The following NPFFR2 variants were observed in gnomAD, a reference collection of about 807,000 sequenced individuals.
NPFFR2 encodes the protein G-protein coupled receptor 74.
Under a neutral mutation model 13.1 loss-of-function variants are expected in NPFFR2, and 15 were observed. The observed-to-expected ratio is 1.15, with a 90% CI of 0.77 to 1.76. NPFFR2 has a LOEUF of 1.76. Among genes scored for constraint, NPFFR2 ranks in the 40% most tolerant of loss-of-function variants. The probability of loss-of-function intolerance (pLI) is 0.00; values close to 1 mark genes in which losing one functional copy is unlikely to be tolerated. For synonymous variants in NPFFR2, 190 were observed against 175.7 expected, an observed-to-expected ratio of 1.08 and a Z score of -0.65; for missense variants, 572 against 503.5, an observed-to-expected ratio of 1.14 and a Z score of -1.30.
intron 1 of NPFFR2, among the ~76,000 whole-genome samples, chr4:72,043,086 G>T (rs1223924496): frequency 6.6e-6 from 1 of 152,156 alleles, no homozygotes; most frequent in East Asian, 1.9e-4. Flanking sequence ...GTGGGTAAAA[G>T]GGGTCAATGT....
intron 3 of NPFFR2, among the ~76,000 whole-genome samples, chr4:72,143,805 C>T (rs1722700469): frequency 6.6e-6 from 1 of 152,100 alleles, no homozygotes; most frequent in South Asian, 2.1e-4. Flanking sequence ...GCAGAACAGA[C>T]AAGAAATGTC....
intron 1 of NPFFR2, among the ~76,000 whole-genome samples, chr4:72,108,777 A>G (rs1478168780): frequency 6.6e-6 from 1 of 152,020 alleles, no homozygotes; most frequent in Non-Finnish European, 1.5e-5. Context: ...TATTCCATTT[A>G]ATTAGTGTTT....
At chr4:72,124,516 C>A (rs1435446295) in intron 1 of NPFFR2, among the ~76,000 whole-genome samples, 1 of 152,140 alleles carries the variant, frequency 6.6e-6, no homozygotes, top group African/African-American at 2.4e-5. Context: ...GCTACTGTAA[C>A]TGTACAGTTA....
In NPFFR2 at chr4:72,079,087, C is replaced by CACACACACACACACACACAT. The variant is rs1553890218; in HGVS notation, c.-8+46888_-8+46889insCACACACACACACACACATA. On this transcript the variant is annotated intron_variant, in intron 1 of 3. Coordinates refer to ENST00000308744, the MANE Select transcript of NPFFR2 (RefSeq NM_004885.3). ...ACACACACACACACACACACACACA[C>CACACACACACACACACACAT]ATCTGTTGAAATCTGAATAAGCTCA... Among the ~76,000 whole-genome samples, 110 of 143,324 alleles carry CACACACACACACACACACAT rather than the reference C, an allele frequency of 7.7e-4. 1 individual carries two copies. Among genetic ancestry groups the CACACACACACACACACACAT allele is most frequent in the African/African-American group, 2.6e-3 (105 of 39,942 alleles). 94.0% of individuals were successfully genotyped at this position (143,324 alleles called of 152,430 possible). A position where few individuals can be genotyped will look rare whatever the true frequency, so the allele number is the denominator to read the frequency against.
intron 1 of NPFFR2, among the ~76,000 whole-genome samples, chr4:72,126,276 A>T (rs1358911360): frequency 1.3e-5 from 2 of 152,212 alleles, no homozygotes; most frequent in African/African-American, 4.8e-5. Flanking sequence ...ATAATTTCAG[A>T]CTATGTAACT....
chr4:72,089,545 G>A (rs1720860159), intron 1 of NPFFR2, among the ~76,000 whole-genome samples: 1 of 152,074 alleles, frequency 6.6e-6, no homozygotes, highest in Non-Finnish European at 1.5e-5. Flanking sequence ...GTATCATATT[G>A]TGGTTTTGAT....
chr4:72,082,047 A>G (rs7674293), intron 1 of NPFFR2, among the ~76,000 whole-genome samples: 40,771 of 152,064 alleles, frequency 0.27, 5,816 homozygotes, highest in Middle Eastern at 0.36. Context: ...TAAGTAGACC[A>G]CATAAGTTTG....
intron 1 of NPFFR2, among the ~76,000 whole-genome samples, chr4:72,053,160 A>G (rs1719640507): frequency 6.6e-6 from 1 of 151,884 alleles, no homozygotes; most frequent in South Asian, 2.1e-4. Context: ...GTCTCTTCAT[A>G]TATTTTACAG....
intron 1 of NPFFR2, among the ~76,000 whole-genome samples, chr4:72,076,756 C>T (rs10033980): frequency 0.88 from 133,248 of 152,104 alleles, 59,811 homozygotes; most frequent in Non-Finnish European, 0.98. Flanking sequence ...GTAGCCAAGT[C>T]CTGAGAGAGC....
intron 1 of NPFFR2, chr4:72,039,039 G>A (rs1318719028): frequency 7.7e-6 from 1 of 130,038 alleles, no homozygotes; most frequent in African/African-American, 2.8e-5. Flanking sequence ...CGAGTAGCTG[G>A]GACTGGCGCC....
intron 1 of NPFFR2, among the ~76,000 whole-genome samples, chr4:72,114,557 G>A (rs983438684): frequency 2.0e-5 from 3 of 152,040 alleles, no homozygotes; most frequent in African/African-American, 7.2e-5. Flanking sequence ...AGATCCTGTC[G>A]TTCTTTGTTT....
At chr4:72,074,298 C>T (rs142709275) in intron 1 of NPFFR2, among the ~76,000 whole-genome samples, 1 of 152,118 alleles carries the variant, frequency 6.6e-6, no homozygotes, top group East Asian at 1.9e-4. Flanking sequence ...ACGATGCCTA[C>T]ATAATTCACC....
chr4:72,052,818 A>G (rs1257674546), intron 1 of NPFFR2, among the ~76,000 whole-genome samples: 1 of 151,966 alleles, frequency 6.6e-6, no homozygotes, highest in African/African-American at 2.4e-5. Context: ...CTTCATCTTC[A>G]TGATAAAAAT....
intron 1 of NPFFR2, among the ~76,000 whole-genome samples, chr4:72,063,932 A>G (rs1719994637): frequency 6.6e-6 from 1 of 152,236 alleles, no homozygotes; most frequent in South Asian, 2.1e-4. Flanking sequence ...TGATTCACAG[A>G]GGAGAAAACC....
At chr4:72,068,458 A>G (rs1720138956) in intron 1 of NPFFR2, among the ~76,000 whole-genome samples, 1 of 152,228 alleles carries the variant, frequency 6.6e-6, no homozygotes. Flanking sequence ...TAAAGGCCCT[A>G]CAATAGTACT....
chr4:72,110,835 C>G (rs182230075), intron 1 of NPFFR2, among the ~76,000 whole-genome samples: 76 of 152,036 alleles, frequency 5.0e-4, no homozygotes, highest in Non-Finnish European at 7.5e-4. Context: ...GCATCACCAC[C>G]CTCCAAAAAT....
intron 1 of NPFFR2, among the ~76,000 whole-genome samples, chr4:72,067,800 A>G (rs759946559): frequency 2.0e-5 from 3 of 152,222 alleles, no homozygotes; most frequent in African/African-American, 4.8e-5. Flanking sequence ...TTTTCACTTT[A>G]TAATGAGGAC....
At chr4:72,091,749 G>T (rs1720924228) in intron 1 of NPFFR2, among the ~76,000 whole-genome samples, 1 of 151,982 alleles carries the variant, frequency 6.6e-6, no homozygotes, top group Non-Finnish European at 1.5e-5. Context: ...TCTCACTAAT[G>T]TTCTATCAAT....
At chr4:72,107,577 G>A (rs527552813) in intron 1 of NPFFR2, among the ~76,000 whole-genome samples, 2 of 152,036 alleles carry the variant, frequency 1.3e-5, no homozygotes, top group East Asian at 3.9e-4. Context: ...GGACTGACAT[G>A]TATAAAGCAA....
Sources: gnomAD v4.1 joint callset for allele counts (sites outside exome capture counted in the v4.1 genomes callset) on GRCh38, gnomAD v4.1.1 for gene constraint, MANE v1.5 for transcripts, NCBI Gene and HGNC (gene_info 2026-07-23, HGNC 2026-07-21) for gene names.